Variants in SVEP1 observed in about 807,000 individuals in gnomAD.
SVEP1 encodes sushi, von Willebrand factor type A, EGF and pentraxin domain containing 1.
A neutral mutation model predicts 367.3 loss-of-function variants in SVEP1; 164 were observed. The observed-to-expected ratio is 0.45, with a 90% CI of 0.39 to 0.51. The LOEUF is 0.51. Ranked by LOEUF, SVEP1 falls within the 20% of genes least tolerant of loss-of-function variation. The probability of loss-of-function intolerance (pLI) is 0.00; values close to 1 mark genes in which losing one functional copy is unlikely to be tolerated. For synonymous variants in SVEP1, 1,666 were observed against 1,611.6 expected (o/e 1.03, Z -0.81); for missense variants, 4,117 against 4,425.3 (o/e 0.93, Z 1.98).
intron 43 of SVEP1, among the ~76,000 whole-genome samples, chr9:110,380,848 T>C (rs896316323): frequency 6.6e-6 from 1 of 152,208 alleles, no homozygotes; most frequent in Admixed American, 6.5e-5. Context: ...AGGCTATTTA[T>C]TACTGCCTCA....
chr9:110,468,990 G>A lies in SVEP1; in HGVS notation c.3110C>T (p.Ser1037Phe). ...EGQLECKLCP[S>F]GMYTEYIHSR... is the part of the protein sequence containing the mutation. The stretch of plus-strand genomic sequence containing the variant: ...ATGGATATATTCCGTGTACATCCCA[G>A]AGGGGCAAAGCTTGCACTCAAGTTG... The change falls in exon 17 of 48, where the codon TCT (serine) becomes TTT (phenylalanine). Residue 1037 changes from serine to phenylalanine, a missense_variant. This residue lies in a region of SVEP1 where 2,174 missense variants were observed against 2,494.3 expected (regional missense o/e 0.87). Transcript: ENST00000374469. 1 of 1,613,814 alleles carries A rather than the reference G, an allele frequency of 6.2e-7. No homozygotes were observed. The highest frequency in any genetic ancestry group is 8.5e-7 in the Non-Finnish European group (1 of 1,179,792).
At chr9:110,425,247 G>A (rs1828234772) in intron 36 of SVEP1, among the ~76,000 whole-genome samples, 1 of 152,002 alleles carries the variant, frequency 6.6e-6, no homozygotes, top group Admixed American at 6.6e-5. Flanking sequence ...AATTTGATTA[G>A]CTAGCTCAGA....
chr9:110,427,427 G>A (rs1828271645), intron 36 of SVEP1, among the ~76,000 whole-genome samples, 164 bp downstream of exon 36: 1 of 152,070 alleles, frequency 6.6e-6, no homozygotes, highest in African/African-American at 2.4e-5. Context: ...ATTTCCACAG[G>A]AGAATATACT....
At position 110,480,191 on chromosome 9, in the gene SVEP1, A is replaced by G. The variant is rs560987988; in HGVS notation, c.2366-435T>C. On this transcript the variant is annotated intron_variant, in intron 12 of 47. Coordinates refer to ENST00000374469, the MANE Select transcript of SVEP1 (RefSeq NM_153366.4). ...TATTTTTGTGCAATCATATTCCTTG[A>G]AAGTGTAATTGTCATAAAGACAAAT... Among the ~76,000 whole-genome samples, 9 of 152,348 alleles carry G rather than the reference A, an allele frequency of 5.9e-5. No individual in the cohort carries two copies. In the South Asian group the frequency reaches 1.2e-3, roughly 21 times the overall value.
At chr9:110,434,680 A>AAAAAAAAAAAAAAAAAAAAAAAC (rs1828406345) in intron 29 of SVEP1, among the ~76,000 whole-genome samples, 174 bp from the exon 30 acceptor site, 2 of 150,274 alleles carry the variant, frequency 1.3e-5, no homozygotes, top group Non-Finnish European at 3.0e-5. Flanking sequence ...AAAAAAAAAA[A>AAAAAAAAAAAAAAAAAAAAAAAC]AAAAAAGCAT....
At chr9:110,401,397 A>G (rs1364647146) in intron 39 of SVEP1, among the ~76,000 whole-genome samples, 1 of 151,992 alleles carries the variant, frequency 6.6e-6, no homozygotes, top group Non-Finnish European at 1.5e-5. Flanking sequence ...TTTTATAATA[A>G]AGTTTATGAG....
chr9:110,448,171 T>TCA (rs557320266), intron 24 of SVEP1, among the ~76,000 whole-genome samples: 76 of 134,504 alleles, frequency 5.7e-4, no homozygotes, highest in Middle Eastern at 3.7e-3. Context: ...GTGCGCGCGC[T>TCA]CGCGCGTGTG....
At chr9:110,576,549 ATATT>A (rs1165416726) in intron 1 of SVEP1, among the ~76,000 whole-genome samples, 1 of 152,058 alleles carries the variant, frequency 6.6e-6, no homozygotes, top group Non-Finnish European at 1.5e-5. Flanking sequence ...TCTGCAATAA[ATATT>A]TATTATCAGT....
At chr9:110,412,606 C>G (rs1235568744) in intron 36 of SVEP1, among the ~76,000 whole-genome samples, 1 of 151,914 alleles carries the variant, frequency 6.6e-6, no homozygotes, top group East Asian at 1.9e-4. Context: ...AGTGAACAGG[C>G]AACCTACAAA....
At chr9:110,441,590 G>C (rs1309621680) in intron 27 of SVEP1, among the ~76,000 whole-genome samples, 1 of 152,220 alleles carries the variant, frequency 6.6e-6, no homozygotes. Context: ...CCAGGGATCT[G>C]TCTGTATGTT....
At chr9:110,376,378 C>A (rs1246990101) in intron 45 of SVEP1, among the ~76,000 whole-genome samples, 3 of 152,124 alleles carry the variant, frequency 2.0e-5, no homozygotes, top group Non-Finnish European at 4.4e-5. Flanking sequence ...TCTGGGAGCT[C>A]TAGGTGAAAT....
chr9:110,564,906 TGG>T (rs1830471439), intron 1 of SVEP1, among the ~76,000 whole-genome samples: 1 of 152,062 alleles, frequency 6.6e-6, no homozygotes, highest in Admixed American at 6.6e-5. Flanking sequence ...ATGTAGTCTC[TGG>T]TGGATTAAAC....
At chr9:110,542,064 G>A (rs1461603531) in intron 3 of SVEP1, among the ~76,000 whole-genome samples, 1 of 152,010 alleles carries the variant, frequency 6.6e-6, no homozygotes, top group Admixed American at 6.6e-5. Context: ...TCATAGCCAT[G>A]CAGTTTGTAA....
chr9:110,389,685 C>T, intron 40 of SVEP1, 98 bp from the exon 41 acceptor site: 1 of 1,340,974 alleles, frequency 7.5e-7, no homozygotes, highest in East Asian at 2.3e-5. Context: ...TTGAATCGCT[C>T]AGCACTGGAA....
intron 26 of SVEP1, among the ~76,000 whole-genome samples, chr9:110,445,313 G>A (rs1480594481): frequency 1.3e-5 from 2 of 152,092 alleles, no homozygotes; most frequent in Non-Finnish European, 1.5e-5. Flanking sequence ...ATGGGGCCCT[G>A]GAGTTGGAAT....
chr9:110,390,410 T>C (rs1293905876), intron 40 of SVEP1, among the ~76,000 whole-genome samples: 2 of 144,878 alleles, frequency 1.4e-5, no homozygotes, highest in Non-Finnish European at 3.0e-5. Context: ...ACATTTTCTT[T>C]ATCCATTCAT....
At chr9:110,498,500 T>C (rs189770166) in intron 7 of SVEP1, among the ~76,000 whole-genome samples, 108 of 152,350 alleles carry the variant, frequency 7.1e-4, no homozygotes, top group Admixed American at 3.5e-3. Flanking sequence ...AAACTCTCAG[T>C]TTGGTCTTTT....
chr9:110,389,477 G>T (rs1322637206), intron 41 of SVEP1, 47 bp downstream of exon 41: 1 of 1,595,684 alleles, frequency 6.3e-7, no homozygotes, highest in African/African-American at 1.3e-5. Flanking sequence ...CTGTTATTTT[G>T]TGTCCTCAGT....
At chr9:110,484,046 C>T (rs1829240043) in intron 9 of SVEP1, among the ~76,000 whole-genome samples, 1 of 152,124 alleles carries the variant, frequency 6.6e-6, no homozygotes, top group Non-Finnish European at 1.5e-5. Flanking sequence ...CCATTCCAGA[C>T]AAGCTGAAGG....
Sources: allele counts gnomAD v4.1 joint callset (sites outside exome capture counted in the v4.1 genomes callset), GRCh38; gene constraint gnomAD v4.1.1; regional missense constraint gnomAD v4.1.1; transcripts MANE v1.5; gene names NCBI Gene and HGNC (gene_info 2026-07-23, HGNC 2026-07-21).